TAFA2: variants seen among roughly 807,000 people sequenced by gnomAD.
TAFA2 encodes the protein chemokine-like protein TAFA-2.
TAFA2 carries 7 observed loss-of-function variants against 18.8 expected under a neutral mutation model. The observed-to-expected ratio is 0.37, with a 90% CI of 0.21 to 0.70. The LOEUF (loss-of-function observed/expected upper bound fraction) is 0.70, where lower values mean the gene tolerates loss of function less well. TAFA2 is among the 30% of genes least tolerant of loss of function. TAFA2 has a pLI of 0.53. For synonymous variants in TAFA2, 60 were observed against 54.2 expected (o/e 1.11, Z -0.47); for missense variants, 122 against 158.1 (o/e 0.77, Z 1.23).
At chr12:61,923,443 A>T (rs1388008451) in intron 1 of TAFA2, among the ~76,000 whole-genome samples, 2 of 152,206 alleles carry the variant, frequency 1.3e-5, no homozygotes, top group Non-Finnish European at 2.9e-5. Flanking sequence ...GATATCCAGG[A>T]AAACAGTCTC....
chr12:62,065,989 T>C (rs889457467), intron 1 of TAFA2, among the ~76,000 whole-genome samples: 1 of 151,938 alleles, frequency 6.6e-6, no homozygotes, highest in African/African-American at 2.4e-5. Flanking sequence ...ATAAACCCTG[T>C]CATTTCTGTG....
chr12:61,777,838 G>C (rs1870334351), intron 2 of TAFA2, among the ~76,000 whole-genome samples: 1 of 151,794 alleles, frequency 6.6e-6, no homozygotes, highest in Admixed American at 6.6e-5. Flanking sequence ...ATTTGCTTTT[G>C]ATAGAAATAA....
At position 62,224,082 on chromosome 12, in the gene TAFA2, T is replaced by TACACACACAC. The variant is rs144010764; in HGVS notation, c.-130+34671_-130+34680dup. Among the ~76,000 whole-genome samples, 413 of 142,566 alleles carry TACACACACAC rather than the reference T, an allele frequency of 2.9e-3. 5 individuals carry two copies. Among genetic ancestry groups the TACACACACAC allele is most frequent in the African/African-American group, 9.8e-3 (387 of 39,322 alleles). 93.5% of individuals were successfully genotyped at this position (142,566 alleles called of 152,430 possible). A position where few individuals can be genotyped will look rare whatever the true frequency, so the allele number is the denominator to read the frequency against. ...AAACAAAATGTGTTTTATATGTGCA[T>TACACACACAC]ACACACACACACACACACACACACA... On this transcript the variant is annotated intron_variant, in intron 1 of 5. Coordinates refer to the TAFA2 transcript ENST00000551619.
chr12:61,784,853 T>C (rs1041041211), intron 2 of TAFA2, among the ~76,000 whole-genome samples: 2 of 151,672 alleles, frequency 1.3e-5, no homozygotes, highest in African/African-American at 4.8e-5. Context: ...AATAATTGTA[T>C]ATATTTATGG....
chr12:62,024,726 A>C (rs1377462800), intron 1 of TAFA2, among the ~76,000 whole-genome samples: 1 of 152,136 alleles, frequency 6.6e-6, no homozygotes, highest in Admixed American at 6.6e-5. Context: ...AAGATCTAAT[A>C]TCCAGAATCT....
chr12:61,954,606 G>A (rs112102987), intron 1 of TAFA2, among the ~76,000 whole-genome samples: 1,915 of 152,144 alleles, frequency 0.013, 47 homozygotes, highest in African/African-American at 0.044. Context: ...GTGGACTTGA[G>A]CTGACAAGAC....
intron 2 of TAFA2, among the ~76,000 whole-genome samples, chr12:61,847,580 T>C (rs566931295): frequency 1.3e-5 from 2 of 152,300 alleles, no homozygotes; most frequent in South Asian, 2.1e-4. Context: ...CATGTCAACA[T>C]GATTAACCTA....
chr12:62,061,098 A>C (rs1032342182), intron 1 of TAFA2, among the ~76,000 whole-genome samples: 49 of 152,210 alleles, frequency 3.2e-4, no homozygotes, highest in African/African-American at 1.1e-3. Flanking sequence ...ATTTTTAATA[A>C]ATTTAGTGTA....
chr12:62,128,209 G>C (rs961925763), intron 1 of TAFA2, among the ~76,000 whole-genome samples: 3 of 152,016 alleles, frequency 2.0e-5, no homozygotes, highest in Non-Finnish European at 2.9e-5. Flanking sequence ...ATTATGGTTT[G>C]AGATAGAAAC....
intron 1 of TAFA2, among the ~76,000 whole-genome samples, chr12:62,086,620 G>A (rs973656975): frequency 1.3e-5 from 2 of 152,038 alleles, no homozygotes; most frequent in African/African-American, 4.8e-5. Context: ...TATAAAGGAT[G>A]GCTATTACCC....
At chr12:62,125,065 A>C (rs1870393914) in intron 1 of TAFA2, among the ~76,000 whole-genome samples, 1 of 152,160 alleles carries the variant, frequency 6.6e-6, no homozygotes, top group African/African-American at 2.4e-5. Context: ...GATGGGTGAT[A>C]GTGAACTTTC....
chr12:62,176,558 A>G (rs2062515391), intron 1 of TAFA2, among the ~76,000 whole-genome samples: 2 of 152,200 alleles, frequency 1.3e-5, no homozygotes, highest in Admixed American at 1.3e-4. Context: ...CTTTTTTTTC[A>G]ATTCGAATGA....
chr12:61,806,824 G>A (rs1871633708), intron 2 of TAFA2, among the ~76,000 whole-genome samples: 1 of 152,184 alleles, frequency 6.6e-6, no homozygotes, highest in African/African-American at 2.4e-5. Flanking sequence ...AGAGATTTGT[G>A]GAACTTTGAA....
chr12:61,795,909 T>C (rs999888218), intron 2 of TAFA2, among the ~76,000 whole-genome samples: 8 of 152,000 alleles, frequency 5.3e-5, no homozygotes, highest in African/African-American at 1.9e-4. Flanking sequence ...TCCACACATA[T>C]ATGGACAATT....
intron 1 of TAFA2, among the ~76,000 whole-genome samples, chr12:62,212,713 T>C (rs1001496518): frequency 6.6e-6 from 1 of 152,206 alleles, no homozygotes; most frequent in African/African-American, 2.4e-5. Flanking sequence ...AAGCGAAACA[T>C]TTGAAAAATC....
chr12:62,215,558 T>A (rs2062730787), intron 1 of TAFA2, among the ~76,000 whole-genome samples: 1 of 110,170 alleles, frequency 9.1e-6, no homozygotes, highest in Non-Finnish European at 1.9e-5. Context: ...AAAGAACTTG[T>A]CTTTCAAAAA....
rs189646808 is a variant in TAFA2 at position 61,861,888 on chromosome 12, C to A, written c.106+5432G>T. Among the ~76,000 whole-genome samples, 12 of 152,274 alleles carry A rather than the reference C, an allele frequency of 7.9e-5. No homozygotes were observed. The South Asian group carries it at 1.7e-3, about 21-fold the overall frequency. On this transcript the variant is annotated intron_variant, in intron 2 of 4. Coordinates refer to ENST00000416284, the MANE Select transcript of TAFA2 (RefSeq NM_178539.5). ...AAAAAGATCCATTCAATCAAAAGTT[C>A]TCACTCAGACCAGTAATTAGCTTGT...
chr12:61,714,573 C>G (rs945427226), intron 4 of TAFA2, among the ~76,000 whole-genome samples: 2 of 152,144 alleles, frequency 1.3e-5, no homozygotes, highest in African/African-American at 4.8e-5. Flanking sequence ...GTCTTTAAGT[C>G]TGTTCAACAA....
chr12:62,058,625 CCT>C (rs140805897), intron 1 of TAFA2, among the ~76,000 whole-genome samples: 65,159 of 151,642 alleles, frequency 0.43, 14,623 homozygotes, highest in Middle Eastern at 0.57. Context: ...TCACCTCCCC[CCT>C]TTTTTTTCTG....
Sources: allele counts gnomAD v4.1 joint callset (sites outside exome capture counted in the v4.1 genomes callset), GRCh38; gene constraint gnomAD v4.1.1; transcripts MANE v1.5; gene names NCBI Gene and HGNC (gene_info 2026-07-23, HGNC 2026-07-21).